GPC6: variants seen among roughly 807,000 people sequenced by gnomAD.
GPC6 encodes the protein glypican-6.
Under a neutral mutation model 55.2 loss-of-function variants are expected in GPC6, and 14 were observed. The observed-to-expected ratio is 0.25, with a 90% CI of 0.17 to 0.40. The LOEUF is 0.40. Ranked by LOEUF, GPC6 falls within the 10% of genes least tolerant of loss-of-function variation. GPC6 has a pLI of 1.00. For synonymous variants in GPC6, 278 were observed against 259.6 expected (o/e 1.07, Z -0.68); for missense variants, 641 against 708.5 (o/e 0.90, Z 1.08).
At chr13:94,069,932 T>C (rs1884665568) in intron 4 of GPC6, among the ~76,000 whole-genome samples, 1 of 152,220 alleles carries the variant, frequency 6.6e-6, no homozygotes, top group East Asian at 1.9e-4. Flanking sequence ...AACCTCTTCC[T>C]GTTACCCAGT....
intron 3 of GPC6, among the ~76,000 whole-genome samples, chr13:93,914,241 G>A (rs538316303): frequency 4.0e-5 from 6 of 150,326 alleles, no homozygotes; most frequent in East Asian, 2.0e-4. Context: ...AACAGGCCCC[G>A]GTGTGTGATG....
chr13:93,622,198 A>T (rs997723172), intron 2 of GPC6, among the ~76,000 whole-genome samples: 2 of 152,218 alleles, frequency 1.3e-5, no homozygotes, highest in Non-Finnish European at 2.9e-5. Flanking sequence ...CATGCTCAAA[A>T]ATATGTAAAA....
At chr13:93,686,602 A>G (rs538411707) in intron 2 of GPC6, among the ~76,000 whole-genome samples, 1 of 152,288 alleles carries the variant, frequency 6.6e-6, no homozygotes, top group African/African-American at 2.4e-5. Context: ...TTCTGCTACC[A>G]TTGACTGCCT....
intron 1 of GPC6, among the ~76,000 whole-genome samples, chr13:93,430,492 A>T (rs1877315227): frequency 6.6e-6 from 1 of 152,126 alleles, no homozygotes; most frequent in Non-Finnish European, 1.5e-5. Context: ...CTCCATTAGT[A>T]GAAAACAGTA....
At chr13:93,471,513 T>G (rs1443368571) in intron 1 of GPC6, among the ~76,000 whole-genome samples, 4 of 152,092 alleles carry the variant, frequency 2.6e-5, no homozygotes, top group African/African-American at 9.7e-5. Context: ...AGAGCGAGAC[T>G]CCATCTCAAA....
At chr13:94,318,760 G>A (rs1229268803) in intron 6 of GPC6, among the ~76,000 whole-genome samples, 1 of 152,108 alleles carries the variant, frequency 6.6e-6, no homozygotes, top group African/African-American at 2.4e-5. Context: ...AATGTTTATG[G>A]ATGATGTATA....
chr13:93,709,172 G>T (rs866713998), intron 2 of GPC6, among the ~76,000 whole-genome samples: 2 of 151,768 alleles, frequency 1.3e-5, no homozygotes, highest in South Asian at 2.1e-4. Flanking sequence ...AAGAAAGAAA[G>T]TAGGTTATAA....
intron 4 of GPC6, among the ~76,000 whole-genome samples, chr13:94,192,077 A>G (rs571857157): frequency 6.6e-6 from 1 of 152,334 alleles, no homozygotes; most frequent in East Asian, 1.9e-4. Flanking sequence ...TTATAGGAAA[A>G]TACCCACTTG....
intron 4 of GPC6, among the ~76,000 whole-genome samples, chr13:94,276,726 G>A (rs1278739153): frequency 6.6e-6 from 1 of 152,134 alleles, no homozygotes; most frequent in Non-Finnish European, 1.5e-5. Context: ...TGCTGAGGAT[G>A]ACGGCTTCCA....
chr13:93,688,196 G>A (rs970815469), intron 2 of GPC6, among the ~76,000 whole-genome samples: 1 of 152,064 alleles, frequency 6.6e-6, no homozygotes, highest in African/African-American at 2.4e-5. Flanking sequence ...ATAAGATAGA[G>A]TGTGGGGTGG....
At chr13:93,713,506 C>G (rs1330825761) in intron 2 of GPC6, among the ~76,000 whole-genome samples, 1 of 151,584 alleles carries the variant, frequency 6.6e-6, no homozygotes, top group Non-Finnish European at 1.5e-5. Context: ...ATTTATTTAT[C>G]TATTTATAAT....
At chr13:93,693,461 CTGTG>C (rs35459356) in intron 2 of GPC6, among the ~76,000 whole-genome samples, 3,042 of 139,262 alleles carry the variant, frequency 0.022, 86 homozygotes, top group African/African-American at 0.065. Context: ...GTATGTATAT[CTGTG>C]TGTGTGTGTG....
intron 1 of GPC6, among the ~76,000 whole-genome samples, chr13:93,347,245 C>T (rs565345539): frequency 6.6e-6 from 1 of 152,210 alleles, no homozygotes; most frequent in East Asian, 1.9e-4. Context: ...ATGAAATAAA[C>T]GGTCTAAGTT....
chr13:93,340,432 A>T (rs781541464), intron 1 of GPC6, among the ~76,000 whole-genome samples: 6 of 152,212 alleles, frequency 3.9e-5, no homozygotes, highest in African/African-American at 1.4e-4. Context: ...TAGGTCTTGT[A>T]TTTTAACTGA....
intron 6 of GPC6, among the ~76,000 whole-genome samples, chr13:94,347,349 A>G (rs780266001): frequency 2.0e-5 from 3 of 152,222 alleles, no homozygotes; most frequent in Non-Finnish European, 2.9e-5. Context: ...TGTAGGAAAG[A>G]TGATCAAAAT....
In GPC6 at chr13:94,077,296, A is replaced by G. The variant is rs528845029; in HGVS notation, c.877+49402A>G. On this transcript the variant is annotated intron_variant, in intron 4 of 8. Coordinates refer to ENST00000377047, the MANE Select transcript of GPC6 (RefSeq NM_005708.5). ...TTCAGATAGCTCATTGTTAATGTAT[A>G]GAAACATGACCGATTTTTTAATGTT... Among the ~76,000 whole-genome samples, 13 of 151,990 alleles carry G rather than the reference A, an allele frequency of 8.6e-5. 1 individual carries two copies. In the South Asian group the frequency reaches 2.5e-3, roughly 29 times the overall value.
chr13:93,953,099 C>A (rs1879344460), intron 3 of GPC6, among the ~76,000 whole-genome samples: 1 of 151,864 alleles, frequency 6.6e-6, no homozygotes, highest in South Asian at 2.1e-4. Context: ...AGTTTCCATT[C>A]ATTTTGTTGC....
intron 4 of GPC6, among the ~76,000 whole-genome samples, chr13:94,030,824 A>G (rs948857477): frequency 6.6e-6 from 1 of 152,236 alleles, no homozygotes; most frequent in Non-Finnish European, 1.5e-5. Context: ...GTCAATAAAA[A>G]CAAGAGTCAA....
chr13:94,342,247 C>T (rs901285713), intron 6 of GPC6, among the ~76,000 whole-genome samples: 1 of 152,194 alleles, frequency 6.6e-6, no homozygotes, highest in African/African-American at 2.4e-5. Context: ...AAAGATATGT[C>T]GAAGTCCTAA....
Sources: gnomAD v4.1 joint callset for allele counts (sites outside exome capture counted in the v4.1 genomes callset) on GRCh38, gnomAD v4.1.1 for gene constraint, MANE v1.5 for transcripts, NCBI Gene and HGNC (gene_info 2026-07-23, HGNC 2026-07-21) for gene names.